KHDRBS2: variants seen among roughly 807,000 people sequenced by gnomAD.
KHDRBS2 encodes KH RNA binding domain containing, signal transduction associated 2.
KHDRBS2 carries 26 observed loss-of-function variants against 44.3 expected under a neutral mutation model. The ratio of observed to expected loss-of-function variants is 0.59; its 90% CI spans 0.43 to 0.81. The LOEUF (loss-of-function observed/expected upper bound fraction) is 0.81. Ranked by LOEUF, KHDRBS2 falls within the 40% of genes least tolerant of loss-of-function variation. The probability of loss-of-function intolerance (pLI) is 0.00; values close to 1 mark genes in which losing one functional copy is unlikely to be tolerated. For synonymous variants in KHDRBS2, 194 were observed against 151.1 expected, an observed-to-expected ratio of 1.28 and a Z score of -2.08; for missense variants, 476 against 433.1, an observed-to-expected ratio of 1.10 and a Z score of -0.88.
chr6:61,668,099 G>A, the KHDRBS2 span, among the ~76,000 whole-genome samples: 2 of 150,764 alleles, frequency 1.3e-5, no homozygotes, highest in African/African-American at 4.8e-5. Flanking sequence ...GCTTGCAAGA[G>A]GGTCTATTTT....
chr6:61,792,618 T>C (rs547690047), intron 6 of KHDRBS2, among the ~76,000 whole-genome samples: 3 of 151,908 alleles, frequency 2.0e-5, no homozygotes, highest in Non-Finnish European at 3.0e-5. Context: ...ATCATTCCTC[T>C]CACCTTACTT....
chr6:61,817,944 T>TGGA (rs1446113654), intron 6 of KHDRBS2, among the ~76,000 whole-genome samples: 1 of 152,088 alleles, frequency 6.6e-6, no homozygotes, highest in African/African-American at 2.4e-5. Flanking sequence ...GCTGTCCATG[T>TGGA]GGAGTTCTGT....
At chr6:61,763,569 G>C (rs1392789753) in intron 6 of KHDRBS2, among the ~76,000 whole-genome samples, 1 of 152,096 alleles carries the variant, frequency 6.6e-6, no homozygotes, top group East Asian at 1.9e-4. Flanking sequence ...ATCATTAGGA[G>C]CCCTTTTAGA....
intron 4 of KHDRBS2, among the ~76,000 whole-genome samples, chr6:61,950,056 T>C (rs972635114): frequency 1.3e-5 from 2 of 152,052 alleles, no homozygotes; most frequent in African/African-American, 2.4e-5. Flanking sequence ...AAAAGCCTAG[T>C]AACAGAATCA....
At chr6:61,858,084 T>C (rs1385954347) in intron 6 of KHDRBS2, among the ~76,000 whole-genome samples, 2 of 151,938 alleles carry the variant, frequency 1.3e-5, no homozygotes, top group Non-Finnish European at 2.9e-5. Context: ...AGATTTATAT[T>C]AGTCAAAGTG....
At chr6:62,246,608 G>A (rs1835620432) in intron 1 of KHDRBS2, among the ~76,000 whole-genome samples, 1 of 151,916 alleles carries the variant, frequency 6.6e-6, no homozygotes, top group Non-Finnish European at 1.5e-5. Flanking sequence ...TCAACTTTAG[G>A]AAGAAAGACA....
intron 1 of KHDRBS2, among the ~76,000 whole-genome samples, chr6:62,261,480 A>C (rs1838331877): frequency 6.6e-6 from 1 of 151,902 alleles, no homozygotes; most frequent in Non-Finnish European, 1.5e-5. Flanking sequence ...CATTATATAA[A>C]GTGTCCTATG....
rs75059921 is a variant in KHDRBS2 at position 62,039,653 on chromosome 6, T to A, written c.336+8225A>T. Among the ~76,000 whole-genome samples, 1,395 of 152,130 alleles carry A rather than the reference T, an allele frequency of 9.2e-3. 23 individuals are homozygous for A. Among genetic ancestry groups the A allele is most frequent in the African/African-American group, 0.032 (1,327 of 41,520 alleles). ...ATAAAATGTAAGAAATGACTAATGA[T>A]GTAACAAGCTCAGTTAATAGTCTCC... On this transcript the variant is annotated intron_variant, in intron 3 of 8. Transcript: ENST00000281156.
intron 3 of KHDRBS2, among the ~76,000 whole-genome samples, chr6:62,029,066 G>T (rs965760110): frequency 5.9e-5 from 9 of 151,920 alleles, no homozygotes; most frequent in Admixed American, 6.6e-5. Flanking sequence ...AGTTAGAAAA[G>T]ACTTGGAAAA....
intron 8 of KHDRBS2, among the ~76,000 whole-genome samples, chr6:61,696,035 C>T (rs1767863350): frequency 6.6e-6 from 1 of 151,358 alleles, no homozygotes; most frequent in Non-Finnish European, 1.5e-5. Flanking sequence ...AGTGGCTATT[C>T]GCAGGCATGA....
intron 4 of KHDRBS2, among the ~76,000 whole-genome samples, chr6:61,957,009 G>A (rs1767517844): frequency 6.6e-6 from 1 of 151,968 alleles, no homozygotes; most frequent in Non-Finnish European, 1.5e-5. Context: ...AATATAAATT[G>A]TGAAGATTTC....
rs148769298 is a variant in KHDRBS2, at chr6:62,177,295, C to T, written c.109G>A (p.Gly37Ser). The change falls in exon 2 of 9, where the codon GGT (glycine) becomes AGT (serine). Residue 37 changes from glycine to serine, a missense_variant. Coordinates refer to ENST00000281156, the MANE Select transcript of KHDRBS2 (RefSeq NM_152688.4). Reference protein sequence around the residue: ...LLAEEIEKFQGSDGKKEDEEK... With the variant: ...LLAEEIEKFQSSDGKKEDEEK... ...TCGTCTTCCTTTTTTCCATCAGAAC[C>T]TTGAAACTTTTCAATTTCTGGAAGA... 2.7e-5 allele frequency: 43 copies of T among 1,594,958 alleles called. No individual in the cohort carries two copies. In the East Asian group the frequency reaches 2.7e-4, roughly 10 times the overall value.
At chr6:61,958,722 C>A (rs1767976215) in intron 4 of KHDRBS2, among the ~76,000 whole-genome samples, 1 of 152,114 alleles carries the variant, frequency 6.6e-6, no homozygotes, top group Admixed American at 6.6e-5. Context: ...ACATAAAATA[C>A]TCTATTTCAC....
chr6:61,936,090 C>A (rs1810966350), intron 4 of KHDRBS2, among the ~76,000 whole-genome samples: 1 of 152,048 alleles, frequency 6.6e-6, no homozygotes, highest in Non-Finnish European at 1.5e-5. Context: ...AATCTTTTCG[C>A]AATGTGCCCT....
chr6:61,634,952 CAA>C, the KHDRBS2 span, among the ~76,000 whole-genome samples: 2 of 151,634 alleles, frequency 1.3e-5, no homozygotes, highest in African/African-American at 4.8e-5. Flanking sequence ...AGCTAACTGC[CAA>C]AAAAAGAAGC....
chr6:61,671,600 T>C, the KHDRBS2 span, among the ~76,000 whole-genome samples: 2 of 151,814 alleles, frequency 1.3e-5, no homozygotes, highest in East Asian at 3.9e-4. Context: ...ATTTTAATGA[T>C]GGATTTGGAA....
At chr6:62,090,633 A>G (rs1031490701) in intron 2 of KHDRBS2, among the ~76,000 whole-genome samples, 2 of 152,092 alleles carry the variant, frequency 1.3e-5, no homozygotes, top group African/African-American at 4.8e-5. Flanking sequence ...GATGCTCTAA[A>G]GAGAACTGAA....
chr6:62,095,883 G>A (rs1204698444), intron 2 of KHDRBS2, among the ~76,000 whole-genome samples: 1 of 151,766 alleles, frequency 6.6e-6, no homozygotes, highest in Non-Finnish European at 1.5e-5. Flanking sequence ...TTACATTGAG[G>A]TGCATTCCTT....
chr6:62,088,374 T>TG lies in KHDRBS2; in HGVS notation c.220-40381dup, dbSNP rs554973352. 1.9e-3 allele frequency among the ~76,000 whole-genome samples: 294 copies of TG among 152,286 alleles called. 1 individual carries two copies. Among genetic ancestry groups the TG allele is most frequent in the African/African-American group, 6.9e-3 (285 of 41,562 alleles). On this transcript the variant is annotated intron_variant, in intron 2 of 8. Transcript: ENST00000281156. Reference sequence around the variant, plus strand: ...GTCTTTGCTGTTGGTGATCTTCTGATGGAGTTTTTGCATGGTCATTCTTTT... The same window carrying TG: ...GTCTTTGCTGTTGGTGATCTTCTGATGGGAGTTTTTGCATGGTCATTCTTTT...
Sources: gnomAD v4.1 joint callset for allele counts (sites outside exome capture counted in the v4.1 genomes callset) on GRCh38, gnomAD v4.1.1 for gene constraint, MANE v1.5 for transcripts, NCBI Gene and HGNC (gene_info 2026-07-23, HGNC 2026-07-21) for gene names.